The following PPM1E variants were observed in gnomAD, a reference collection of about 807,000 sequenced individuals.
The protein encoded by PPM1E is protein phosphatase, Mg2+/Mn2+ dependent 1E.
A neutral mutation model predicts 65.9 loss-of-function variants in PPM1E; 20 were observed. The observed-to-expected ratio is 0.30, with a 90% CI of 0.21 to 0.44. The LOEUF is 0.44. PPM1E is among the 20% of genes least tolerant of loss of function. The probability of loss-of-function intolerance (pLI) is 1.00; values close to 1 mark genes in which losing one functional copy is unlikely to be tolerated. For synonymous variants in PPM1E, 352 were observed against 374.9 expected, an observed-to-expected ratio of 0.94 and a Z score of 0.70; for missense variants, 713 against 953.1, an observed-to-expected ratio of 0.75 and a Z score of 3.32.
Position 58,942,039 on chromosome 17 carries a change from A to G in PPM1E, c.465-13610A>G, listed in dbSNP as rs1408018967. ...AAAAAAAAAATGCTGGTCATAATTC[A>G]TACATTAATTTCATTACCCACTAAT... On this transcript the variant is annotated intron_variant, in intron 1 of 6. Transcript: ENST00000308249. Among the ~76,000 whole-genome samples, 4 of 151,792 alleles carry G rather than the reference A, an allele frequency of 2.6e-5. No individual in the cohort carries two copies. In the South Asian group the frequency reaches 6.2e-4, roughly 24 times the overall value.
intron 1 of PPM1E, among the ~76,000 whole-genome samples, chr17:58,930,003 C>G (rs1053215978): frequency 3.9e-5 from 6 of 152,128 alleles, no homozygotes; most frequent in Admixed American, 1.3e-4. Flanking sequence ...TTCCTGCTAT[C>G]TCTGTTTTGA....
intron 1 of PPM1E, among the ~76,000 whole-genome samples, chr17:58,788,034 A>G (rs1032464681): frequency 3.3e-5 from 5 of 152,038 alleles, no homozygotes; most frequent in African/African-American, 4.8e-5. Context: ...GTCTTTCAGC[A>G]CATCAAACTG....
At chr17:58,906,120 T>A (rs1567871047) in intron 1 of PPM1E, among the ~76,000 whole-genome samples, 2 of 152,198 alleles carry the variant, frequency 1.3e-5, no homozygotes, top group Admixed American at 6.6e-5. Context: ...TAAAAATCAA[T>A]TAATGTAATG....
At chr17:58,937,656 A>C (rs111415280) in intron 1 of PPM1E, among the ~76,000 whole-genome samples, 94,006 of 147,818 alleles carry the variant, frequency 0.64, 30,304 homozygotes, top group African/African-American at 0.71. Flanking sequence ...GTGGGTGGAT[A>C]ACAAGGTTAG....
At chr17:58,973,951 CAAAAAAAAAAAAAA>C (rs34819561) in intron 6 of PPM1E, among the ~76,000 whole-genome samples, 16 of 55,468 alleles carry the variant, frequency 2.9e-4, no homozygotes, top group South Asian at 8.5e-4. Context: ...GACTCCATCT[CAAAAAAAAAAAAAA>C]AAAAAAAAAA....
chr17:58,816,767 TATATATATATATA>T (rs2050422814), intron 1 of PPM1E, among the ~76,000 whole-genome samples: 1 of 14,850 alleles, frequency 6.7e-5, no homozygotes, highest in African/African-American at 2.4e-4. Context: ...TATATATATA[TATATATATATATA>T]TATATATATA....
intron 1 of PPM1E, among the ~76,000 whole-genome samples, chr17:58,808,533 T>C (rs897226411): frequency 2.0e-5 from 3 of 152,074 alleles, no homozygotes; most frequent in African/African-American, 7.2e-5. Flanking sequence ...TGTACGTGTG[T>C]CTGTGTGTTT....
chr17:58,889,760 T>G (rs1399365079), intron 1 of PPM1E, among the ~76,000 whole-genome samples: 3 of 152,228 alleles, frequency 2.0e-5, no homozygotes, highest in Admixed American at 6.5e-5. Flanking sequence ...TGCAAGTACA[T>G]AGCTATCTTT....
At chr17:58,883,298 G>C (rs188765877) in intron 1 of PPM1E, among the ~76,000 whole-genome samples, 18 of 151,884 alleles carry the variant, frequency 1.2e-4, no homozygotes, top group Admixed American at 7.9e-4. Flanking sequence ...TTCTGTGTGT[G>C]CTGAATGTTT....
At chr17:58,862,332 CA>C (rs1225747374) in intron 1 of PPM1E, among the ~76,000 whole-genome samples, 1 of 152,092 alleles carries the variant, frequency 6.6e-6, no homozygotes, top group East Asian at 1.9e-4. Flanking sequence ...GAGCAATATG[CA>C]TAATGGAAAT....
intron 1 of PPM1E, among the ~76,000 whole-genome samples, chr17:58,807,240 T>A (rs1445694596): frequency 6.6e-6 from 1 of 152,304 alleles, no homozygotes; most frequent in East Asian, 1.9e-4. Flanking sequence ...AAAAAGAAAA[T>A]GTTTTAGTGA....
Position 58,805,973 on chromosome 17 carries a change from ACAAAAAAAAAAC to A in PPM1E, c.464+49513_464+49524del, listed in dbSNP as rs1567838840. Among the ~76,000 whole-genome samples the A allele has an allele frequency of 3.6e-4, 43 of 117,816 alleles. 1 individual carries two copies. Among genetic ancestry groups the A allele is most frequent in the South Asian group, 1.7e-3 (6 of 3,592 alleles). The allele number at this position is 117,816 out of a possible 152,430, so 77.3% of individuals were successfully genotyped here. On this transcript the variant is annotated intron_variant, in intron 1 of 6. Transcript: ENST00000308249. Reference sequence around the variant, plus strand: ...CTAAAAAAAAAAACAAAAAAAAAAAACAAAAAAAAAACAAAACAAAACAAAACAAAAAAAAAA... The same window carrying A: ...CTAAAAAAAAAAACAAAAAAAAAAAAAAAACAAAACAAAACAAAAAAAAAA...
chr17:58,937,213 T>C (rs936974845), intron 1 of PPM1E, among the ~76,000 whole-genome samples: 17 of 151,798 alleles, frequency 1.1e-4, no homozygotes, highest in Admixed American at 4.6e-4. Context: ...AATATAAAAT[T>C]TTATAGTAAC....
rs2031284688 is a variant in PPM1E, at chr17:58,980,380, C to T, written c.1617C>T (p.Asp539=). The T allele has an allele frequency of 5.0e-6, 8 of 1,614,146 alleles. No individual in the cohort carries two copies. Among genetic ancestry groups the T allele is most frequent in the Non-Finnish European group, 6.8e-6 (8 of 1,180,026 alleles). The part of the protein sequence containing the change: ...WPQHQCSAPA[D]LGYDGRVDSF... ...AGCACCAGTGCTCAGCACCAGCCGA[C>T]CTAGGCTATGATGGGCGTGTGGATT... is the stretch of plus-strand genomic sequence containing the variant. The change falls in exon 7 of 7, where the codon GAC becomes GAT. Residue 539 remains aspartate, a synonymous_variant. Transcript: ENST00000308249. The surrounding 1 kb of genome is among the most constrained non-coding windows in gnomAD (Gnocchi z 4.7).
chr17:58,973,699 T>C (rs1184610554), intron 6 of PPM1E, among the ~76,000 whole-genome samples: 3 of 151,926 alleles, frequency 2.0e-5, no homozygotes, highest in Non-Finnish European at 4.4e-5. Flanking sequence ...ACGCCTGTAT[T>C]CCCAGCACTT....
At chr17:58,775,157 G>A (rs192070677) in intron 1 of PPM1E, among the ~76,000 whole-genome samples, 37 of 152,190 alleles carry the variant, frequency 2.4e-4, no homozygotes, top group Admixed American at 1.8e-3. Flanking sequence ...ATAAACCTAA[G>A]CTGTATTTAT....
intron 2 of PPM1E, among the ~76,000 whole-genome samples, chr17:58,964,372 A>G (rs1455914775): frequency 1.3e-5 from 2 of 152,320 alleles, no homozygotes; most frequent in Admixed American, 6.5e-5. Context: ...GGAGGGTTCA[A>G]TGATAGGAAA....
At chr17:58,790,250 G>A (rs1045644398) in intron 1 of PPM1E, among the ~76,000 whole-genome samples, 12 of 151,414 alleles carry the variant, frequency 7.9e-5, no homozygotes, top group Non-Finnish European at 1.5e-4. Context: ...TTTTTGGATA[G>A]CCAGGGTCTT....
intron 1 of PPM1E, among the ~76,000 whole-genome samples, chr17:58,922,227 C>T (rs1016912276): frequency 2.0e-5 from 3 of 148,090 alleles, no homozygotes; most frequent in Admixed American, 1.4e-4. Context: ...GCTCATTTAA[C>T]GTTAGTAGTA....
Sources: gnomAD v4.1 joint callset for allele counts (sites outside exome capture counted in the v4.1 genomes callset) on GRCh38, gnomAD v4.1.1 for gene constraint, Gnocchi (gnomAD v3.1) non-coding constraint, MANE v1.5 for transcripts, NCBI Gene and HGNC (gene_info 2026-07-23, HGNC 2026-07-21) for gene names.